MEI4: variants seen among roughly 807,000 people sequenced by gnomAD.
MEI4 encodes the protein meiotic double-stranded break formation protein 4, also known as meiosis-specific protein MEI4.
Under a neutral mutation model 31.4 loss-of-function variants are expected in MEI4, and 27 were observed. The ratio of observed to expected loss-of-function variants is 0.86; its 90% CI spans 0.63 to 1.19. The LOEUF is 1.19. Among genes scored for constraint, MEI4 ranks in the 50% most tolerant of loss-of-function variants. The pLI is 0.00. For missense variants in MEI4, 329 were observed against 398.9 expected, an observed-to-expected ratio of 0.82 and a Z score of 1.49; for synonymous variants, 122 against 145.4, an observed-to-expected ratio of 0.84 and a Z score of 1.16.
intron 1 of MEI4, among the ~76,000 whole-genome samples, chr6:77,661,287 A>G (rs984086251): frequency 6.6e-6 from 1 of 152,126 alleles, no homozygotes; most frequent in African/African-American, 2.4e-5. Flanking sequence ...AGAGCCTGAG[A>G]AACTGCTTGG....
At chr6:77,877,291 TAA>T (rs1268304745) in intron 4 of MEI4, among the ~76,000 whole-genome samples, 14 of 152,000 alleles carry the variant, frequency 9.2e-5, no homozygotes, top group Non-Finnish European at 1.9e-4. Flanking sequence ...ATTTTATATA[TAA>T]GTGTGTTTAC....
intron 4 of MEI4, among the ~76,000 whole-genome samples, chr6:77,897,585 G>GA (rs1766108182): frequency 6.6e-6 from 1 of 151,294 alleles, no homozygotes; most frequent in Admixed American, 6.6e-5. Flanking sequence ...TTTCCAATAC[G>GA]AAAAAAGGGT....
intron 4 of MEI4, among the ~76,000 whole-genome samples, chr6:77,889,025 T>C (rs1485912868): frequency 6.6e-6 from 1 of 152,180 alleles, no homozygotes; most frequent in African/African-American, 2.4e-5. Context: ...CTCAGCCCTG[T>C]AGAACTGTGA....
chr6:77,689,297 G>A (rs1582025113), intron 1 of MEI4, among the ~76,000 whole-genome samples: 1 of 151,830 alleles, frequency 6.6e-6, no homozygotes, highest in South Asian at 2.1e-4. Flanking sequence ...AATTTTTAAT[G>A]GCTAAGTAAT....
intron 1 of MEI4, among the ~76,000 whole-genome samples, chr6:77,681,511 T>G (rs1318168578): frequency 1.3e-5 from 2 of 152,220 alleles, no homozygotes; most frequent in African/African-American, 4.8e-5. Context: ...TAGTGGAATG[T>G]GATTGCTGGT....
At chr6:77,696,763 G>A (rs1371724480) in intron 2 of MEI4, among the ~76,000 whole-genome samples, 1 of 151,868 alleles carries the variant, frequency 6.6e-6, no homozygotes, top group African/African-American at 2.4e-5. Context: ...TTGGTATCAG[G>A]ATGATGCTGG....
At position 77,820,484 on chromosome 6, in the gene MEI4, T is replaced by A. The variant is rs1169482330; in HGVS notation, c.769-8447T>A. ...TTTCACCGTGTTGCCCAGGCTGGTC[T>A]GGAACCCCTGACCTCAGGCAATTCG... On this transcript the variant is annotated intron_variant, in intron 3 of 4. Transcript: ENST00000684080. This position sits in a 1 kb window ranked among gnomAD's most constrained non-coding sequence, Gnocchi z 4.5. 6.6e-6 allele frequency among the ~76,000 whole-genome samples: 1 copy of A among 152,210 alleles called. No individual in the cohort carries two copies. The highest frequency in any genetic ancestry group is 2.4e-5 in the African/African-American group (1 of 41,460).
intron 2 of MEI4, among the ~76,000 whole-genome samples, chr6:77,714,747 G>C (rs1373634632): frequency 1.3e-5 from 2 of 152,028 alleles, no homozygotes; most frequent in African/African-American, 2.4e-5. Context: ...CCATTGCTTG[G>C]TGCCCCTGCC....
At chr6:77,916,922 AC>A (rs1554181320) in intron 4 of MEI4, among the ~76,000 whole-genome samples, 1 of 74,900 alleles carries the variant, frequency 1.3e-5, no homozygotes, top group Non-Finnish European at 2.8e-5. Flanking sequence ...CTCCCCCCCT[AC>A]CCCCACCCCA....
chr6:77,732,156 T>G (rs1767019926), intron 2 of MEI4, among the ~76,000 whole-genome samples: 1 of 151,556 alleles, frequency 6.6e-6, no homozygotes. Context: ...TTTTTCCAAT[T>G]CTGTGAAGAA....
intron 4 of MEI4, among the ~76,000 whole-genome samples, chr6:77,894,984 CA>C (rs1391339964): frequency 6.6e-6 from 1 of 152,132 alleles, no homozygotes; most frequent in African/African-American, 2.4e-5. Context: ...TGTTTTCCAT[CA>C]ATAATGGACA....
At chr6:77,742,917 G>T (rs1218576115) in intron 2 of MEI4, among the ~76,000 whole-genome samples, 1 of 152,092 alleles carries the variant, frequency 6.6e-6, no homozygotes, top group Non-Finnish European at 1.5e-5. Flanking sequence ...GTTTGTCAAA[G>T]ATTAGATAGT....
At chr6:77,898,460 T>G (rs1766128248) in intron 4 of MEI4, among the ~76,000 whole-genome samples, 1 of 152,032 alleles carries the variant, frequency 6.6e-6, no homozygotes, top group Non-Finnish European at 1.5e-5. Context: ...AAATGGTATA[T>G]TATATTCAGT....
intron 2 of MEI4, among the ~76,000 whole-genome samples, chr6:77,691,245 T>G (rs1769151738): frequency 6.6e-6 from 1 of 152,038 alleles, no homozygotes; most frequent in African/African-American, 2.4e-5. Flanking sequence ...AAATACCAGC[T>G]ATCAGCCAGG....
intron 4 of MEI4, among the ~76,000 whole-genome samples, chr6:77,851,018 CA>C (rs1770604173): frequency 1.3e-5 from 2 of 152,098 alleles, no homozygotes; most frequent in African/African-American, 4.8e-5. Context: ...TTTATGCAGC[CA>C]AAAGACACAT....
intron 4 of MEI4, among the ~76,000 whole-genome samples, chr6:77,899,502 A>G (rs1376690503): frequency 1.3e-5 from 2 of 152,096 alleles, no homozygotes; most frequent in Non-Finnish European, 2.9e-5. Context: ...TTAGCATTGT[A>G]TCAGATATAC....
intron 4 of MEI4, among the ~76,000 whole-genome samples, chr6:77,864,910 A>G (rs1226143559): frequency 6.6e-6 from 1 of 152,202 alleles, no homozygotes; most frequent in Admixed American, 6.5e-5. Flanking sequence ...TCAAACTAGG[A>G]CTCAGGATTA....
At chr6:77,896,610 A>G (rs564285421) in intron 4 of MEI4, among the ~76,000 whole-genome samples, 1 of 152,162 alleles carries the variant, frequency 6.6e-6, no homozygotes, top group African/African-American at 2.4e-5. Flanking sequence ...CATGTCTCAT[A>G]AGACTCTGTT....
chr6:77,803,460 C>T (rs1361574808), intron 3 of MEI4, among the ~76,000 whole-genome samples: 5 of 152,184 alleles, frequency 3.3e-5, no homozygotes, highest in African/African-American at 1.2e-4. Flanking sequence ...CTGAAGGCTT[C>T]TTCTCTCAAC....
Sources: gnomAD v4.1 joint callset for allele counts (sites outside exome capture counted in the v4.1 genomes callset) on GRCh38, gnomAD v4.1.1 for gene constraint, Gnocchi (gnomAD v3.1) non-coding constraint, MANE v1.5 for transcripts, NCBI Gene and HGNC (gene_info 2026-07-23, HGNC 2026-07-21) for gene names.